PVT1: variants seen among roughly 807,000 people sequenced by gnomAD.
PVT1 encodes the protein CXCR4/PVT1 fusion.
At chr8:128,081,616 G>A (rs886228633) in intron 5 of PVT1, among the ~76,000 whole-genome samples, 2 of 152,140 alleles carry the variant, frequency 1.3e-5, no homozygotes, top group Non-Finnish European at 2.9e-5. Flanking sequence ...AACCCTGAAG[G>A]TTCCTAAGCC....
At chr8:127,965,902 G>C (rs1348516514) in intron 3 of PVT1, among the ~76,000 whole-genome samples, 1 of 152,172 alleles carries the variant, frequency 6.6e-6, no homozygotes, top group East Asian at 1.9e-4. Context: ...GGAGAGGCAA[G>C]GAGGTTACAG....
At chr8:128,060,905 CT>C (rs35320355) in intron 4 of PVT1, among the ~76,000 whole-genome samples, 8,519 of 123,476 alleles carry the variant, frequency 0.069, 128 homozygotes, top group East Asian at 0.21. Flanking sequence ...TAGGCAACTA[CT>C]TTTTTTTTTT....
intron 2 of PVT1, among the ~76,000 whole-genome samples, chr8:127,843,226 C>A (rs1398441156): frequency 6.6e-6 from 1 of 152,058 alleles, no homozygotes; most frequent in Non-Finnish European, 1.5e-5. Context: ...TGTGATGGTG[C>A]ATGCCTGTAA....
intron 4 of PVT1, among the ~76,000 whole-genome samples, chr8:127,996,897 T>A (rs1422500216): frequency 6.6e-6 from 1 of 152,156 alleles, no homozygotes; most frequent in Non-Finnish European, 1.5e-5. Flanking sequence ...AAGAAGGCTC[T>A]TGGCTCTTGT....
At chr8:127,992,972 T>G (rs893785299) in intron 4 of PVT1, among the ~76,000 whole-genome samples, 3 of 152,224 alleles carry the variant, frequency 2.0e-5, no homozygotes, top group African/African-American at 7.2e-5. Context: ...CTGTACTTGG[T>G]GTCCACAGGA....
chr8:127,804,565 G>A (rs1471615508), intron 2 of PVT1, among the ~76,000 whole-genome samples: 1 of 124,358 alleles, frequency 8.0e-6, no homozygotes, highest in Admixed American at 8.5e-5. Flanking sequence ...TTTTGAGACA[G>A]CATCTCATTC....
chr8:127,963,049 G>A lies in PVT1; in HGVS notation n.783-26113G>A, dbSNP rs527730263. 2.4e-3 allele frequency among the ~76,000 whole-genome samples: 361 copies of A among 152,226 alleles called. 3 individuals are homozygous for A. The highest frequency in any genetic ancestry group is 0.013 in the South Asian group (62 of 4,804). ...ACCTCTGGCCTGCGGGATTGAGATCGGGCTGGCCAGCTCTCCTCTCTTTCC... is the reference window on the plus strand; with the variant it reads ...ACCTCTGGCCTGCGGGATTGAGATCAGGCTGGCCAGCTCTCCTCTCTTTCC... On this transcript the variant is annotated intron_variant and non_coding_transcript_variant, in intron 3 of 10. Coordinates refer to ENST00000651587, the Ensembl canonical transcript of PVT1.
chr8:127,825,117 TAAAAAA>T (rs58377389), intron 2 of PVT1, among the ~76,000 whole-genome samples: 2 of 81,056 alleles, frequency 2.5e-5, no homozygotes, highest in African/African-American at 9.9e-5. Context: ...AAACACTAGC[TAAAAAA>T]AAAAAAAAAA....
At chr8:128,093,578 A>G (rs1814388005) in intron 5 of PVT1, among the ~76,000 whole-genome samples, 1 of 152,048 alleles carries the variant, frequency 6.6e-6, no homozygotes, top group Non-Finnish European at 1.5e-5. Flanking sequence ...AAATAAAAAG[A>G]GTTGCTATAA....
intron 2 of PVT1, among the ~76,000 whole-genome samples, chr8:127,814,360 C>T (rs1023665070): frequency 7.2e-5 from 11 of 152,192 alleles, no homozygotes; most frequent in Non-Finnish European, 4.4e-5. Context: ...TGTGTGAAGT[C>T]GGCTTGAGTG....
intron 2 of PVT1, among the ~76,000 whole-genome samples, chr8:127,835,417 AG>A (rs1814898858): frequency 7.3e-6 from 1 of 136,118 alleles, no homozygotes; most frequent in Non-Finnish European, 1.6e-5. Context: ...GGACACAGGG[AG>A]GGGAACATCA....
intron 3 of PVT1, among the ~76,000 whole-genome samples, chr8:127,972,208 T>C (rs752469939): frequency 1.3e-5 from 2 of 152,238 alleles, no homozygotes; most frequent in Non-Finnish European, 2.9e-5. Flanking sequence ...CCCAAGACTG[T>C]CAGTGCGCCA....
At chr8:127,900,217 A>G (rs1293681799) in intron 3 of PVT1, among the ~76,000 whole-genome samples, 5 of 151,724 alleles carry the variant, frequency 3.3e-5, no homozygotes, top group Non-Finnish European at 7.4e-5. Flanking sequence ...AATTTTTTAT[A>G]TATTTAGTAG....
intron 3 of PVT1, among the ~76,000 whole-genome samples, chr8:127,913,904 C>T (rs556760382): frequency 3.4e-4 from 51 of 152,102 alleles, no homozygotes; most frequent in Non-Finnish European, 5.7e-4. Flanking sequence ...TTTGGGGCCA[C>T]ACACATGGCT....
chr8:128,080,646 C>G (rs555554472), intron 5 of PVT1, among the ~76,000 whole-genome samples: 1 of 152,178 alleles, frequency 6.6e-6, no homozygotes, highest in Non-Finnish European at 1.5e-5. Context: ...AATATTTTCT[C>G]CCAGTCAATG....
At chr8:128,002,736 T>C (rs1183000369) in intron 4 of PVT1, among the ~76,000 whole-genome samples, 1 of 152,202 alleles carries the variant, frequency 6.6e-6, no homozygotes, top group African/African-American at 2.4e-5. Flanking sequence ...CATAACTTGA[T>C]TACATCTGCA....
rs1194606429 is a variant in PVT1, at chr8:127,858,811, T to TTTTTTTTTTC, written n.373-31769_373-31768insCTTTTTTTTT. Among the ~76,000 whole-genome samples, 406 of 121,906 alleles carry TTTTTTTTTTC rather than the reference T, an allele frequency of 3.3e-3. 15 individuals are homozygous for TTTTTTTTTTC. The highest frequency in any genetic ancestry group is 5.7e-3 in the Non-Finnish European group (342 of 59,650). The allele number at this position is 121,906 out of a possible 152,430, so 80.0% of individuals were successfully genotyped here. On this transcript the variant is annotated intron_variant and non_coding_transcript_variant, in intron 2 of 10. Transcript: ENST00000651587. ...TGGACTACACTTGAAGATTCTTTTT[T>TTTTTTTTTTC]TTTTTTTTTTTTTTTTTTTTTTGAG... is the stretch of plus-strand genomic sequence containing the variant.
At chr8:128,082,913 C>A (rs1480539153) in intron 5 of PVT1, 2 of 152,194 alleles carry the variant, frequency 1.3e-5, no homozygotes, top group Admixed American at 1.3e-4. Flanking sequence ...TATCTCCAGA[C>A]TTCTTGTTAT....
intron 3 of PVT1, among the ~76,000 whole-genome samples, chr8:127,941,499 G>A (rs1332767893): frequency 6.6e-6 from 1 of 152,184 alleles, no homozygotes; most frequent in Non-Finnish European, 1.5e-5. Context: ...AAAATATTAT[G>A]TAGAGCCATG....
Sources: allele counts gnomAD v4.1 joint callset (sites outside exome capture counted in the v4.1 genomes callset), GRCh38; gene constraint gnomAD v4.1.1; transcripts MANE v1.5; gene names NCBI Gene and HGNC (gene_info 2026-07-23, HGNC 2026-07-21).